IRAK2: variants seen among roughly 807,000 people sequenced by gnomAD.
IRAK2 encodes the protein interleukin-1 receptor-associated kinase-like 2.
In IRAK2, 57 loss-of-function variants were observed where a neutral mutation model predicts 72.0. The ratio of observed to expected loss-of-function variants is 0.79; its 90% CI spans 0.64 to 0.99. The LOEUF is 0.99. Among genes scored for constraint, IRAK2 ranks in the 50% least tolerant of loss-of-function variants. The pLI, the probability that IRAK2 is intolerant of heterozygous loss-of-function variation, is 0.00. For synonymous variants in IRAK2, 293 were observed against 312.7 expected (o/e 0.94, Z 0.67); for missense variants, 790 against 794.4 (o/e 0.99, Z 0.07).
At chr3:10,215,208 G>A (rs1697583466) in intron 6 of IRAK2, among the ~76,000 whole-genome samples, 2 of 151,182 alleles carry the variant, frequency 1.3e-5, no homozygotes, top group Non-Finnish European at 2.9e-5. Context: ...CCAACATGGC[G>A]AAACCTCATC....
intron 1 of IRAK2, among the ~76,000 whole-genome samples, chr3:10,165,352 C>T (rs184990441): frequency 6.6e-5 from 10 of 152,262 alleles, no homozygotes; most frequent in East Asian, 1.9e-4. Flanking sequence ...CCCCAGGTGG[C>T]CTCTCATCCA....
chr3:10,211,356 G>A (rs939438135), intron 4 of IRAK2, among the ~76,000 whole-genome samples: 4 of 152,142 alleles, frequency 2.6e-5, no homozygotes, highest in African/African-American at 9.7e-5. Context: ...TGCCCAGGCT[G>A]GTCTTGAACT....
Position 10,175,872 on chromosome 3 carries a change from C to G in IRAK2, c.95-1966C>G, listed in dbSNP as rs185116168. Among the ~76,000 whole-genome samples, 291 of 120,056 alleles carry G rather than the reference C, an allele frequency of 2.4e-3. 4 individuals are homozygous for G. The highest frequency in any genetic ancestry group is 2.9e-3 in the Non-Finnish European group (181 of 62,854). 78.8% of individuals were successfully genotyped at this position (120,056 alleles called of 152,430 possible). A position where few individuals can be genotyped will look rare whatever the true frequency, so the allele number is the denominator to read the frequency against. ...CACCACTGCACTCCAGCCTGGGTGACAGAGCGAGACTCCGTCTCAAAAAAA... is the reference window on the plus strand; with the variant it reads ...CACCACTGCACTCCAGCCTGGGTGAGAGAGCGAGACTCCGTCTCAAAAAAA... On this transcript the variant is annotated intron_variant, in intron 1 of 12. Coordinates refer to ENST00000256458, the MANE Select transcript of IRAK2 (RefSeq NM_001570.4).
At chr3:10,215,152 C>T (rs1238953149) in intron 6 of IRAK2, among the ~76,000 whole-genome samples, 3 of 151,078 alleles carry the variant, frequency 2.0e-5, no homozygotes, top group Non-Finnish European at 4.4e-5. Context: ...TTTGGGAGGC[C>T]GAGGTGGGCA....
intron 2 of IRAK2, among the ~76,000 whole-genome samples, chr3:10,180,010 T>C (rs950878611): frequency 1.3e-5 from 2 of 152,236 alleles, no homozygotes; most frequent in Non-Finnish European, 2.9e-5. Context: ...TAAGTGTTGA[T>C]TGATATTTAG....
chr3:10,214,391 C>CTTTTTTTTTTTTT (rs534445139), intron 6 of IRAK2, among the ~76,000 whole-genome samples: 12 of 95,410 alleles, frequency 1.3e-4, no homozygotes, highest in Non-Finnish European at 1.4e-4. Context: ...TCATTTTTTG[C>CTTTTTTTTTTTTT]TTTTTTTTTT....
intron 10 of IRAK2, among the ~76,000 whole-genome samples, chr3:10,227,541 G>A (rs1348799032): frequency 6.6e-6 from 1 of 152,118 alleles, no homozygotes; most frequent in Non-Finnish European, 1.5e-5. Flanking sequence ...TTCCATGATA[G>A]AGTCATTATA....
In IRAK2 at chr3:10,177,934, G is replaced by T; in HGVS notation, c.191G>T (p.Trp64Leu). ...VSITRELLWWWGMRQATVQQL... is the reference protein window; with the variant it reads ...VSITRELLWWLGMRQATVQQL... ...ATCACGCGGGAGCTGCTGTGGTGGT[G>T]GGGCATGCGGCAGGCCACCGTCCAG... The change falls in exon 2 of 13, where the codon TGG becomes TTG. Residue 64 changes from tryptophan to leucine, a missense_variant. Trp to Leu is a moderately conservative substitution (Grantham distance 61). Transcript: ENST00000256458. The T allele has an allele frequency of 6.2e-7, 1 of 1,613,826 alleles. No individual in the cohort carries two copies.
At chr3:10,197,147 G>A (rs1697281259) in intron 2 of IRAK2, among the ~76,000 whole-genome samples, 2 of 152,008 alleles carry the variant, frequency 1.3e-5, no homozygotes, top group Admixed American at 1.3e-4. Context: ...GGAGGCCGAG[G>A]CAGGTTGATC....
At chr3:10,200,820 G>A (rs879701951) in intron 3 of IRAK2, among the ~76,000 whole-genome samples, 4 of 152,208 alleles carry the variant, frequency 2.6e-5, no homozygotes, top group Non-Finnish European at 5.9e-5. Flanking sequence ...GGGATTGCTC[G>A]AGCCCAGGAG....
chr3:10,242,065 A>T, intron 12 of IRAK2, 51 bp from the exon 13 acceptor site: 1 of 1,016,578 alleles, frequency 9.8e-7, no homozygotes, highest in Non-Finnish European at 1.5e-6. Context: ...GAATTATAAT[A>T]ATAGTAACTT....
intron 4 of IRAK2, among the ~76,000 whole-genome samples, chr3:10,212,649 C>T (rs1410657774): frequency 6.6e-6 from 1 of 152,112 alleles, no homozygotes; most frequent in African/African-American, 2.4e-5. Context: ...ACTATTGTTA[C>T]CTTCATTTTT....
At chr3:10,168,192 T>C (rs1205758498) in intron 1 of IRAK2, among the ~76,000 whole-genome samples, 1 of 151,182 alleles carries the variant, frequency 6.6e-6, no homozygotes, top group Non-Finnish European at 1.5e-5. Flanking sequence ...CTTGTCAACA[T>C]GTGTTATTTT....
intron 4 of IRAK2, among the ~76,000 whole-genome samples, chr3:10,212,745 C>T (rs915297738): frequency 2.0e-5 from 3 of 150,202 alleles, no homozygotes; most frequent in East Asian, 3.9e-4. Flanking sequence ...GGGATTTGAG[C>T]TTGGGCCTAT....
At position 10,200,500 on chromosome 3, in the gene IRAK2, A is replaced by G. The variant is rs1191582154; in HGVS notation, c.409A>G (p.Thr137Ala). 4 of 1,573,484 alleles carry G rather than the reference A, an allele frequency of 2.5e-6. No individual in the cohort carries two copies. Among genetic ancestry groups the G allele is most frequent in the Non-Finnish European group, 3.5e-6 (4 of 1,157,830 alleles). ...QEEGQPVRMA[T>A]FPGPGSSPAR... The stretch of plus-strand genomic sequence containing the variant: ...AGAGGGGCAGCCTGTGAGGATGGCC[A>G]CCTTTCCAGGCCCAGGTATTTTAAA... The change falls in exon 3 of 13, where the codon ACC (threonine) becomes GCC (alanine). Residue 137 changes from threonine to alanine, a missense_variant. Physicochemically the swap from Thr to Ala is moderately conservative, Grantham distance 58 (BLOSUM62 0). Transcript: ENST00000256458.
intron 1 of IRAK2, among the ~76,000 whole-genome samples, chr3:10,177,473 G>A (rs1244453269): frequency 6.6e-6 from 1 of 152,150 alleles, no homozygotes; most frequent in Non-Finnish European, 1.5e-5. Context: ...AACCAAACAG[G>A]TAGAGCTCCC....
chr3:10,222,492 C>T (rs931115452), intron 8 of IRAK2, 144 bp from the exon 9 acceptor site: 5 of 661,830 alleles, frequency 7.6e-6, no homozygotes, highest in South Asian at 5.6e-5. Context: ...TCAGGGCTGG[C>T]TCAGAAGCTC....
intron 4 of IRAK2, among the ~76,000 whole-genome samples, chr3:10,211,511 G>T (rs1697522290): frequency 6.6e-6 from 1 of 152,118 alleles, no homozygotes; most frequent in Non-Finnish European, 1.5e-5. Context: ...CCAGCTACTT[G>T]GGGGCGCTGA....
chr3:10,171,717 G>A (rs934925782), intron 1 of IRAK2, among the ~76,000 whole-genome samples: 6 of 147,844 alleles, frequency 4.1e-5, no homozygotes, highest in Non-Finnish European at 7.4e-5. Flanking sequence ...TGATCCGCCC[G>A]CCTCAGCCTC....
Sources: gnomAD v4.1 joint callset for allele counts (sites outside exome capture counted in the v4.1 genomes callset) on GRCh38, gnomAD v4.1.1 for gene constraint, MANE v1.5 for transcripts, NCBI Gene and HGNC (gene_info 2026-07-23, HGNC 2026-07-21) for gene names.